Variants in CDKL3 observed in about 807,000 individuals in gnomAD.
CDKL3 encodes the protein cyclin-dependent kinase-like 3.
Under a neutral mutation model 69.3 loss-of-function variants are expected in CDKL3, and 65 were observed. The observed-to-expected ratio is 0.94, with a 90% CI of 0.77 to 1.15. CDKL3 has a LOEUF of 1.15. CDKL3 is among the 50% of genes most tolerant of loss of function. CDKL3 has a pLI of 0.00. For synonymous variants in CDKL3, 202 were observed against 221.6 expected (o/e 0.91, Z 0.79); for missense variants, 652 against 689.2 (o/e 0.95, Z 0.61).
intron 3 of CDKL3, among the ~76,000 whole-genome samples, chr5:134,354,296 T>C (rs1256536906): frequency 1.3e-5 from 2 of 152,204 alleles, no homozygotes; most frequent in Non-Finnish European, 2.9e-5. Context: ...AGAGAAGGCA[T>C]TTAAAAATTT....
Position 134,366,408 on chromosome 5 carries a change from G to A in CDKL3, c.116C>T (p.Pro39Leu). Residue 39 changes from proline to leucine, a missense_variant, in exon 2 of 13, where the codon CCA becomes CTA. By Grantham distance (98) the Pro-to-Leu change is moderately conservative. Transcript: ENST00000265334. ...IVAIKIFYER[P>L]EQSVNKIAMR... is the part of the protein sequence containing the mutation. ...CGCAATTTTGTTGACAGATTGTTCT[G>A]GTCTCTCATAAAATATCTTAATGGC... The A allele has an allele frequency of 6.3e-7, 1 of 1,598,698 alleles. No homozygotes were observed. Among genetic ancestry groups the A allele is most frequent in the South Asian group, 1.1e-5 (1 of 87,978 alleles).
intron 4 of CDKL3, 116 bp from the exon 5 acceptor site, chr5:134,322,019 T>G (rs556361157): frequency 8.9e-5 from 59 of 664,720 alleles, no homozygotes; most frequent in Admixed American, 1.6e-4. Context: ...TCATTTTAAG[T>G]TTTGTTTTGT....
downstream of CDKL3, among the ~76,000 whole-genome samples, chr5:134,295,565 A>G (rs1319269873): frequency 2.6e-5 from 4 of 152,222 alleles, no homozygotes; most frequent in South Asian, 2.1e-4. Flanking sequence ...ATAGTTGCTG[A>G]GGCCACCAGG....
downstream of CDKL3, among the ~76,000 whole-genome samples, chr5:134,295,011 CTTTTT>C (rs869256167): frequency 1.0e-5 from 1 of 100,420 alleles, no homozygotes. Context: ...ATTTTTTTTT[CTTTTT>C]TTTTTTTTTT....
At chr5:134,358,293 A>G (rs1259334239) in intron 3 of CDKL3, among the ~76,000 whole-genome samples, 28 of 152,122 alleles carry the variant, frequency 1.8e-4, no homozygotes, top group Admixed American at 1.3e-4. Context: ...TATTTTCACA[A>G]TGGTACCCCA....
chr5:134,290,510 T>C (rs920163717), intron 8 of CDKL3, among the ~76,000 whole-genome samples: 2 of 151,962 alleles, frequency 1.3e-5, no homozygotes, highest in African/African-American at 2.4e-5. Context: ...GCTGCAGGAA[T>C]TGCAAAGGGG....
chr5:134,304,447 A>G lies in CDKL3; in HGVS notation c.1579T>C (p.Leu527=). ...SDRKEFHFPE[L]PVTIQSKDTK... is the part of the protein sequence containing the mutation. ...TCTTTTGACTGTATTGTGACAGGCA[A>G]TTCTGGAAAATGGAATTCTTTCCTG... Residue 527 remains leucine (L), a synonymous_variant, in exon 11 of 13, where the codon TTG becomes CTG. Coordinates refer to ENST00000265334, the MANE Select transcript of CDKL3 (RefSeq NM_001113575.2). 1 of 1,613,092 alleles carries G rather than the reference A, an allele frequency of 6.2e-7. No individual in the cohort carries two copies. The highest frequency in any genetic ancestry group is 8.5e-7 in the Non-Finnish European group (1 of 1,179,576).
chr5:134,308,618 T>C lies in CDKL3; in HGVS notation c.991A>G (p.Thr331Ala). ...CTTAGCAGTGTATTGGTATAAACTG[T>C]TTTTCTTTCATCTTTCCTGAGTTCA... ...ENELRKDERK[T>A]VYTNTLLSSS... is the part of the protein sequence containing the mutation. The change falls in exon 8 of 13, where the codon ACA becomes GCA. Residue 331 changes from threonine to alanine, a missense_variant. By Grantham distance (58) the Thr-to-Ala change is moderately conservative. Coordinates refer to ENST00000265334, the MANE Select transcript of CDKL3 (RefSeq NM_001113575.2). 5 of 1,606,966 alleles carry C rather than the reference T, an allele frequency of 3.1e-6. No individual in the cohort carries two copies. The highest frequency in any genetic ancestry group is 4.2e-6 in the Non-Finnish European group (5 of 1,178,292).
At chr5:134,368,584 A>C (rs1031652059), upstream of CDKL3, among the ~76,000 whole-genome samples, 1 of 144,098 alleles carries the variant, frequency 6.9e-6, no homozygotes, top group Non-Finnish European at 1.5e-5. Context: ...GCACCACTAC[A>C]TTCCAGCCTG....
intron 4 of CDKL3, among the ~76,000 whole-genome samples, chr5:134,341,849 T>C (rs1750569711): frequency 6.6e-6 from 1 of 152,230 alleles, no homozygotes; most frequent in African/African-American, 2.4e-5. Flanking sequence ...CCTTGCAGTA[T>C]GTAACTGTCA....
At chr5:134,308,515 T>C (rs749412205) in intron 8 of CDKL3, 49 bp from the exon 9 acceptor site, 1 of 1,552,788 alleles carries the variant, frequency 6.4e-7, no homozygotes, top group Admixed American at 2.1e-5. Context: ...GTTATTTTTG[T>C]CATTAGAGTC....
Position 134,308,446 on chromosome 5 carries a change from CT to C in CDKL3, c.1055del (p.Lys352SerfsTer50). ...TAACTCTGACTTTGATCTCCTTGGG[CT>C]TTTTCTCTTTTTCTATTTCCTGGAA... Reference protein sequence around the residue: ...VLGKEIEKEKKPKEIKVRVIK... With the variant: ...VLGKEIEKEKXPKEIKVRVIK... On this transcript the variant is annotated frameshift_variant, in exon 9 of 13. Transcript: ENST00000265334. LOFTEE classifies it high-confidence loss of function. The C allele has an allele frequency of 6.2e-7, 1 of 1,601,474 alleles. No individual in the cohort carries two copies.
intron 8 of CDKL3, among the ~76,000 whole-genome samples, chr5:134,291,196 A>G (rs1228177052): frequency 1.3e-5 from 2 of 152,254 alleles, no homozygotes; most frequent in East Asian, 1.9e-4. Flanking sequence ...AATTTTGGAT[A>G]TGTTAAGTTT....
downstream of CDKL3, among the ~76,000 whole-genome samples, chr5:134,297,303 T>A (rs546673653): frequency 3.5e-4 from 53 of 152,306 alleles, no homozygotes; most frequent in South Asian, 0.011. Flanking sequence ...TCATGCAAGC[T>A]GAGCCCTAAA....
intron 8 of CDKL3, among the ~76,000 whole-genome samples, chr5:134,289,638 G>A (rs147530386): frequency 2.4e-3 from 366 of 152,246 alleles, no homozygotes; most frequent in African/African-American, 8.3e-3. Context: ...ACATTAGTTC[G>A]TCCAACAGGA....
At position 134,359,977 on chromosome 5, in the gene CDKL3, A is replaced by T; in HGVS notation, c.280T>A (p.Cys94Ser). The T allele has an allele frequency of 6.3e-7, 1 of 1,577,622 alleles. No individual in the cohort carries two copies. The highest frequency in any genetic ancestry group is 8.6e-7 in the Non-Finnish European group (1 of 1,159,792). The part of the protein sequence containing the change: ...HTVLDELQHY[C>S]HGLESKRLRK... ...AGTCGCTTACTCTCTAGTCCATGAC[A>T]ATAATGTTGTAACTCATCTAATACT... Residue 94 changes from cysteine (C) to serine (S), a missense_variant, in exon 3 of 13, where the codon TGT becomes AGT. Physicochemically the swap from Cys to Ser is moderately radical, Grantham distance 112 (BLOSUM62 -1). Coordinates refer to ENST00000265334, the MANE Select transcript of CDKL3 (RefSeq NM_001113575.2).
chr5:134,351,820 C>T (rs2149605845), intron 3 of CDKL3, among the ~76,000 whole-genome samples: 1 of 152,144 alleles, frequency 6.6e-6, no homozygotes, highest in East Asian at 1.9e-4. Flanking sequence ...ATATCATGTA[C>T]ATGTTGTTTT....
intron 2 of CDKL3, 79 bp from the exon 3 acceptor site, chr5:134,360,170 A>G: frequency 1.0e-6 from 1 of 956,120 alleles, no homozygotes; most frequent in Non-Finnish European, 1.5e-6. Context: ...AAATTTTGTA[A>G]AGAAACAGTC....
chr5:134,360,284 A>C (rs1332062679), intron 2 of CDKL3, among the ~76,000 whole-genome samples, 193 bp from the exon 3 acceptor site: 1 of 152,106 alleles, frequency 6.6e-6, no homozygotes, highest in Non-Finnish European at 1.5e-5. Flanking sequence ...GGCTCAGTGC[A>C]ACCTCCACCA....
Sources: allele counts gnomAD v4.1 joint callset (sites outside exome capture counted in the v4.1 genomes callset), GRCh38; gene constraint gnomAD v4.1.1; transcripts MANE v1.5; gene names NCBI Gene and HGNC (gene_info 2026-07-23, HGNC 2026-07-21).